The following CCDC83 variants were observed in gnomAD, a reference collection of about 807,000 sequenced individuals.
CCDC83 encodes coiled-coil domain-containing protein 83.
In CCDC83, 54 loss-of-function variants were observed where a neutral mutation model predicts 50.1. The observed-to-expected ratio is 1.08, with a 90% CI of 0.87 to 1.35. The LOEUF is 1.35. CCDC83 is among the 40% of genes most tolerant of loss of function. The pLI, the probability that CCDC83 is intolerant of heterozygous loss-of-function variation, is 0.00. For synonymous variants in CCDC83, 161 were observed against 153.3 expected (o/e 1.05, Z -0.37); for missense variants, 518 against 473.9 (o/e 1.09, Z -0.86).
rs200090828 is a variant in CCDC83 at position 85,877,492 on chromosome 11, A to AT, written c.180+4205dup. Among the ~76,000 whole-genome samples the AT allele has an allele frequency of 2.0e-5, 3 of 152,252 alleles. No homozygotes were observed. The East Asian group carries it at 5.8e-4, about 29-fold the overall frequency. ...TCTCTAAAATGGTAAAAATTAAACAATTTTTTTTAAATTTTGTAAATGAAA... is the reference window on the plus strand; with the variant it reads ...TCTCTAAAATGGTAAAAATTAAACAATTTTTTTTTAAATTTTGTAAATGAAA... On this transcript the variant is annotated intron_variant, in intron 3 of 10. Coordinates refer to ENST00000342404, the MANE Select transcript of CCDC83 (RefSeq NM_001286159.2).
chr11:85,911,435 T>A (rs369317422), intron 8 of CCDC83, 33 bp downstream of exon 8: 336 of 1,507,014 alleles, frequency 2.2e-4, no homozygotes, highest in Non-Finnish European at 2.9e-4. Context: ...GAGTATTTTG[T>A]AAACATTTGT....
intron 5 of CCDC83, among the ~76,000 whole-genome samples, chr11:85,892,426 C>T (rs1329398713): frequency 6.6e-6 from 1 of 152,168 alleles, no homozygotes; most frequent in Non-Finnish European, 1.5e-5. Context: ...CACATTCACC[C>T]TTGTCCTGGG....
In CCDC83 at chr11:85,882,878, G is replaced by C. The variant is rs547855734; in HGVS notation, c.343+203G>C. 8.5e-5 allele frequency among the ~76,000 whole-genome samples: 13 copies of C among 152,268 alleles called. No individual in the cohort carries two copies. In the South Asian group the frequency reaches 2.7e-3, roughly 32 times the overall value. On this transcript the variant is annotated intron_variant, in intron 4 of 10. Transcript: ENST00000342404. Reference sequence around the variant, plus strand: ...GGGTAGAGGTAATGAAGCCAAGCAAGGAGGTGGAAGAAGGGTAGTGATCAG... The same window carrying C: ...GGGTAGAGGTAATGAAGCCAAGCAACGAGGTGGAAGAAGGGTAGTGATCAG...
chr11:85,871,094 G>A (rs2093234654), intron 2 of CCDC83, among the ~76,000 whole-genome samples: 1 of 152,174 alleles, frequency 6.6e-6, no homozygotes, highest in Non-Finnish European at 1.5e-5. Context: ...TTGAACCTGG[G>A]AGGGGGAGTT....
At chr11:85,911,461 T>C (rs1169337000) in intron 8 of CCDC83, 59 bp downstream of exon 8, 19 of 1,442,488 alleles carry the variant, frequency 1.3e-5, no homozygotes, top group Non-Finnish European at 1.7e-5. Context: ...CTGTAAAAAG[T>C]TGTTTTTTTA....
rs1319172839 is a variant in CCDC83 at position 85,911,186 on chromosome 11, AAAAAAAGAAAG to A, written c.673-84_673-74del. 8 of 1,113,290 alleles carry A rather than the reference AAAAAAAGAAAG, an allele frequency of 7.2e-6. No homozygotes were observed. In the South Asian group the frequency reaches 7.2e-5, roughly 10 times the overall value. 69.0% of individuals were successfully genotyped at this position (1,113,290 alleles called of 1,614,324 possible). ...AACTCCGTCTCAAATAAAAAAAAAA[AAAAAAAGAAAG>A]AAAAAAGAAAAAAATAAAGAAAAGA... On this transcript the variant is annotated intron_variant, in intron 7 of 10. Coordinates refer to ENST00000342404, the MANE Select transcript of CCDC83 (RefSeq NM_001286159.2).
At chr11:85,882,945 T>G (rs1003925485) in intron 4 of CCDC83, among the ~76,000 whole-genome samples, 2 of 151,796 alleles carry the variant, frequency 1.3e-5, no homozygotes, top group Non-Finnish European at 2.9e-5. Flanking sequence ...TGGGATAGGG[T>G]GTAGTTCAGT....
intron 5 of CCDC83, among the ~76,000 whole-genome samples, chr11:85,892,459 ACGGTC>A (rs1286982806): frequency 6.6e-6 from 1 of 152,148 alleles, no homozygotes; most frequent in Non-Finnish European, 1.5e-5. Flanking sequence ...AAGAAGAAAA[ACGGTC>A]CATACACTTT....
rs560628531 is a variant in CCDC83, at chr11:85,905,515, TAGG to T, written c.673-5763_673-5761del. 4.8e-3 allele frequency among the ~76,000 whole-genome samples: 654 copies of T among 136,732 alleles called. 6 individuals carry two copies. Among genetic ancestry groups the T allele is most frequent in the African/African-American group, 0.017 (614 of 36,060 alleles). 89.7% of individuals were successfully genotyped at this position (136,732 alleles called of 152,430 possible). On this transcript the variant is annotated intron_variant, in intron 7 of 10. Transcript: ENST00000342404. ...ATCCCAGCTACATGGGAGGCTGAGG[TAGG>T]AGAATTGCTTGAACCCGGGAGGTGG...
chr11:85,895,865 G>C (rs1350937101), intron 6 of CCDC83, among the ~76,000 whole-genome samples: 1 of 152,094 alleles, frequency 6.6e-6, no homozygotes, highest in East Asian at 1.9e-4. Flanking sequence ...CCAGGCTGGA[G>C]TGCAGCGGCA....
In CCDC83 at chr11:85,912,607, T is replaced by C. The variant is rs141711584; in HGVS notation, c.794+1205T>C. 1,215 of 1,176,022 alleles carry C rather than the reference T, an allele frequency of 1.0e-3. 11 individuals carry two copies. In the African/African-American group the frequency reaches 0.016, roughly 16 times the overall value. The allele number at this position is 1,176,022 out of a possible 1,614,324, so 72.8% of individuals were successfully genotyped here. On this transcript the variant is annotated intron_variant, in intron 8 of 10. Transcript: ENST00000342404. ...GGGGTAGGTGCTCACTGTTGCCCAG[T>C]AGGCAATGCTCACTTTTGCCAGCCC...
intron 2 of CCDC83, among the ~76,000 whole-genome samples, chr11:85,869,247 C>G (rs2093223918): frequency 6.6e-6 from 1 of 152,226 alleles, no homozygotes; most frequent in South Asian, 2.1e-4. Context: ...GAACTCTTTC[C>G]CGGAACATAA....
intron 3 of CCDC83, among the ~76,000 whole-genome samples, chr11:85,874,854 T>C (rs1053401690): frequency 1.3e-5 from 2 of 152,174 alleles, no homozygotes; most frequent in African/African-American, 4.8e-5. Flanking sequence ...ATCTATCGTC[T>C]TTACTAAAGT....
At chr11:85,898,926 A>T in intron 6 of CCDC83, 21 bp from the exon 7 acceptor site, 1 of 1,581,334 alleles carries the variant, frequency 6.3e-7, no homozygotes, top group Non-Finnish European at 8.7e-7. Flanking sequence ...ACTCTTCCTT[A>T]ATCCAGAAAC....
intron 1 of CCDC83, among the ~76,000 whole-genome samples, chr11:85,857,113 ACT>A (rs1233447520): frequency 6.6e-6 from 1 of 152,160 alleles, no homozygotes; most frequent in Non-Finnish European, 1.5e-5. Context: ...CTACAAAGTC[ACT>A]GACATTGGCC....
chr11:85,909,128 G>A (rs2093440478), intron 7 of CCDC83, among the ~76,000 whole-genome samples: 1 of 152,032 alleles, frequency 6.6e-6, no homozygotes, highest in Admixed American at 6.6e-5. Context: ...TGGTTTTTGT[G>A]TTATTTGCTA....
chr11:85,911,189 A>AAAAG (rs1233494700), intron 7 of CCDC83, 92 bp from the exon 8 acceptor site: 3 of 1,122,650 alleles, frequency 2.7e-6, no homozygotes, highest in Admixed American at 3.1e-5. Flanking sequence ...AAAAAAAAAA[A>AAAAG]AAAGAAAGAA....
chr11:85,868,430 A>G (rs1025316056), intron 2 of CCDC83, among the ~76,000 whole-genome samples: 5 of 152,202 alleles, frequency 3.3e-5, no homozygotes, highest in African/African-American at 9.7e-5. Flanking sequence ...GCTGGAGTGC[A>G]GTGGCATGAT....
Position 85,898,939 on chromosome 11 carries a change from T to A in CCDC83, c.604-8T>A, listed in dbSNP as rs1252696843. ...CAACTCTTCCTTAATCCAGAAACTT[T>A]CTTTTAGAATGCTGTAAAGCTCATT... On this transcript the variant is annotated splice_region_variant and splice_polypyrimidine_tract_variant and intron_variant, in intron 6 of 10. Transcript: ENST00000342404. 1 of 1,604,458 alleles carries A rather than the reference T, an allele frequency of 6.2e-7. No homozygotes were observed. Among genetic ancestry groups the A allele is most frequent in the Non-Finnish European group, 8.5e-7 (1 of 1,173,900 alleles).
Sources: gnomAD v4.1 joint callset for allele counts (sites outside exome capture counted in the v4.1 genomes callset) on GRCh38, gnomAD v4.1.1 for gene constraint, MANE v1.5 for transcripts, NCBI Gene and HGNC (gene_info 2026-07-23, HGNC 2026-07-21) for gene names.